Variants in CSMD1 observed in about 807,000 individuals in gnomAD.
The protein encoded by CSMD1 is CUB and Sushi multiple domains 1.
Under a neutral mutation model 417.5 loss-of-function variants are expected in CSMD1, and 213 were observed. That is an observed-to-expected ratio of 0.51 (90% CI 0.46 to 0.57). The LOEUF is 0.57. Ranked by LOEUF, CSMD1 falls within the 20% of genes least tolerant of loss-of-function variation. CSMD1 has a pLI of 0.00. For missense variants in CSMD1, 6,923 were observed against 4,529.7 expected (o/e 1.53, Z -15.17); for synonymous variants, 2,862 against 1,736.8 (o/e 1.65, Z -16.11).
chr8:4,249,329 A>C (rs577067835), intron 3 of CSMD1, among the ~76,000 whole-genome samples: 1 of 152,204 alleles, frequency 6.6e-6, no homozygotes, highest in Admixed American at 6.5e-5. Context: ...ACTTGTTTCT[A>C]AGAGGATGGA....
In CSMD1 at chr8:4,238,782, A is replaced by G. The variant is rs116980827; in HGVS notation, c.415+181171T>C. Among the ~76,000 whole-genome samples the G allele has an allele frequency of 8.8e-3, 1,341 of 152,304 alleles. 12 individuals are homozygous for G. Among genetic ancestry groups the G allele is most frequent in the Non-Finnish European group, 0.014 (959 of 68,022 alleles). On this transcript the variant is annotated intron_variant, in intron 3 of 69. Transcript: ENST00000635120. ...CCATTACATTCCCAGTTGGGTAAAG[A>G]AGACTTAGGCAGTAACTTTTGTAAA... is the stretch of plus-strand genomic sequence containing the variant.
intron 12 of CSMD1, among the ~76,000 whole-genome samples, chr8:3,459,875 A>C (rs983188454): frequency 6.6e-6 from 1 of 152,134 alleles, no homozygotes; most frequent in Non-Finnish European, 1.5e-5. Flanking sequence ...TAAGACTTAA[A>C]AAAAAACTGG....
intron 1 of CSMD1, chr8:4,787,975 G>A (rs188659557): frequency 7.0e-4 from 1,116 of 1,593,818 alleles, no homozygotes; most frequent in Admixed American, 1.4e-3. Context: ...TCAGGAGATC[G>A]AAGCCAACAG....
At chr8:4,937,679 G>C (rs759349442) in intron 1 of CSMD1, among the ~76,000 whole-genome samples, 4 of 152,152 alleles carry the variant, frequency 2.6e-5, no homozygotes, top group African/African-American at 7.2e-5. Flanking sequence ...TTAAAATAGA[G>C]CAGTGGTTTC....
chr8:3,983,835 C>G (rs573300296), intron 5 of CSMD1, among the ~76,000 whole-genome samples: 71 of 151,852 alleles, frequency 4.7e-4, no homozygotes, highest in African/African-American at 1.2e-3. Context: ...CCTGGCAGAT[C>G]TGGCCGGCTG....
intron 21 of CSMD1, among the ~76,000 whole-genome samples, chr8:3,354,904 T>TATAGATATGTCTATCTATAG (rs1563303966): frequency 1.8e-4 from 25 of 141,408 alleles, no homozygotes; most frequent in African/African-American, 7.3e-4. Flanking sequence ...TCTATAGATC[T>TATAGATATGTCTATCTATAG]ATCTATAGAT....
chr8:4,741,587 C>G (rs568463800), intron 1 of CSMD1, among the ~76,000 whole-genome samples: 2 of 152,092 alleles, frequency 1.3e-5, no homozygotes, highest in African/African-American at 2.4e-5. Context: ...ACATGTGTCT[C>G]GAGGCTTGGA....
At chr8:4,815,734 C>A (rs62484626) in intron 1 of CSMD1, among the ~76,000 whole-genome samples, 131 of 148,184 alleles carry the variant, frequency 8.8e-4, no homozygotes, top group African/African-American at 3.1e-3. Flanking sequence ...GAAAGGAAAC[C>A]TTTAAATCTT....
intron 2 of CSMD1, among the ~76,000 whole-genome samples, chr8:4,461,550 G>C (rs1368847554): frequency 6.8e-6 from 1 of 146,492 alleles, no homozygotes; most frequent in South Asian, 2.2e-4. Flanking sequence ...TTTTTTTTTG[G>C]TGGGTGGGGG....
At chr8:3,310,696 G>C (rs1226135875) in intron 23 of CSMD1, among the ~76,000 whole-genome samples, 1 of 152,092 alleles carries the variant, frequency 6.6e-6, no homozygotes, top group Non-Finnish European at 1.5e-5. Flanking sequence ...AAATCTTTTT[G>C]AGGGGTGAGG....
intron 3 of CSMD1, among the ~76,000 whole-genome samples, chr8:4,313,378 A>G (rs1478823421): frequency 6.6e-6 from 1 of 152,010 alleles, no homozygotes; most frequent in African/African-American, 2.4e-5. Context: ...TGCGTGACAC[A>G]CACTCTGCTT....
At chr8:3,394,012 T>TTATATATATA (rs1175905929) in intron 17 of CSMD1, among the ~76,000 whole-genome samples, 1 of 31,632 alleles carries the variant, frequency 3.2e-5, no homozygotes, top group African/African-American at 1.2e-4. Context: ...AAAAAATAAA[T>TTATATATATA]TATATATATA....
At chr8:4,072,668 T>G (rs1183969186) in intron 3 of CSMD1, among the ~76,000 whole-genome samples, 2 of 152,210 alleles carry the variant, frequency 1.3e-5, no homozygotes, top group African/African-American at 4.8e-5. Flanking sequence ...CCCCTTTATT[T>G]CTGTGGATCT....
chr8:4,686,627 C>G (rs988448643), intron 1 of CSMD1, among the ~76,000 whole-genome samples: 1 of 152,248 alleles, frequency 6.6e-6, no homozygotes, highest in African/African-American at 2.4e-5. Flanking sequence ...ACCTCTTCAT[C>G]AAAGCCATAA....
At chr8:3,869,380 G>A (rs550918522) in intron 5 of CSMD1, among the ~76,000 whole-genome samples, 4 of 152,122 alleles carry the variant, frequency 2.6e-5, no homozygotes, top group African/African-American at 9.7e-5. Context: ...CATAGAGACT[G>A]ATAGGTCTAT....
chr8:3,943,410 GTT>G (rs796811228), intron 5 of CSMD1, among the ~76,000 whole-genome samples: 1,625 of 96,962 alleles, frequency 0.017, 49 homozygotes, highest in East Asian at 0.15. Context: ...CTTATAAGTT[GTT>G]TTTTTTTCAT....
At chr8:4,870,969 G>C (rs1187477790) in intron 1 of CSMD1, among the ~76,000 whole-genome samples, 1 of 152,116 alleles carries the variant, frequency 6.6e-6, no homozygotes, top group Non-Finnish European at 1.5e-5. Flanking sequence ...GCTGAGAAGA[G>C]TCAGGGACTC....
chr8:4,363,395 TA>T (rs145017728), intron 3 of CSMD1, among the ~76,000 whole-genome samples: 4 of 151,994 alleles, frequency 2.6e-5, no homozygotes, highest in African/African-American at 9.7e-5. Context: ...GTAAGAGGGA[TA>T]AAAAAATGTT....
chr8:2,994,768 T>G (rs1329259163), intron 54 of CSMD1, among the ~76,000 whole-genome samples: 1 of 152,168 alleles, frequency 6.6e-6, no homozygotes, highest in Non-Finnish European at 1.5e-5. Flanking sequence ...ATTTTTTTAT[T>G]TTGGGTTAGA....
Sources: allele counts gnomAD v4.1 joint callset (sites outside exome capture counted in the v4.1 genomes callset), GRCh38; gene constraint gnomAD v4.1.1; transcripts MANE v1.5; gene names NCBI Gene and HGNC (gene_info 2026-07-23, HGNC 2026-07-21).